Variants in MAGI1 observed in about 807,000 individuals in gnomAD.
The protein encoded by MAGI1 is membrane associated guanylate kinase, WW and PDZ domain containing 1.
MAGI1 carries 58 observed loss-of-function variants against 139.9 expected under a neutral mutation model. The observed-to-expected ratio is 0.41, with a 90% CI of 0.34 to 0.52. The LOEUF is 0.52. Among genes scored for constraint, MAGI1 ranks in the 20% least tolerant of loss-of-function variants. The probability of loss-of-function intolerance (pLI) is 0.12; values close to 1 mark genes in which losing one functional copy is unlikely to be tolerated. For synonymous variants in MAGI1, 812 were observed against 737.9 expected, an observed-to-expected ratio of 1.10 and a Z score of -1.63; for missense variants, 1,874 against 1,901.6, an observed-to-expected ratio of 0.99 and a Z score of 0.27.
intron 1 of MAGI1, among the ~76,000 whole-genome samples, chr3:65,854,383 C>G (rs1014854103): frequency 2.6e-5 from 4 of 152,108 alleles, no homozygotes; most frequent in Admixed American, 1.3e-4. Flanking sequence ...TTTGCTGTCC[C>G]AGTAAATGTG....
chr3:65,845,251 CAA>C (rs34871480), intron 1 of MAGI1, among the ~76,000 whole-genome samples: 8 of 140,944 alleles, frequency 5.7e-5, no homozygotes, highest in Non-Finnish European at 7.7e-5. Flanking sequence ...GACTCCATCT[CAA>C]AAAAAAAAAG....
At chr3:65,448,726 A>T (rs201658584) in intron 6 of MAGI1, among the ~76,000 whole-genome samples, 1 of 136,968 alleles carries the variant, frequency 7.3e-6, no homozygotes, top group Middle Eastern at 3.7e-3. Context: ...ACACACACAC[A>T]CACTTTCTAA....
chr3:65,509,197 AC>A (rs1399020590), intron 2 of MAGI1, among the ~76,000 whole-genome samples: 1 of 152,198 alleles, frequency 6.6e-6, no homozygotes, highest in Non-Finnish European at 1.5e-5. Flanking sequence ...ATCAAAATAA[AC>A]AAACAAAACA....
chr3:65,751,773 C>T (rs1240725518), intron 1 of MAGI1, among the ~76,000 whole-genome samples: 1 of 152,140 alleles, frequency 6.6e-6, no homozygotes, highest in East Asian at 1.9e-4. Context: ...TATTAAAACT[C>T]TACATTCAAT....
chr3:65,753,267 G>A (rs192038609), intron 1 of MAGI1, among the ~76,000 whole-genome samples: 36 of 152,094 alleles, frequency 2.4e-4, no homozygotes, highest in Admixed American at 2.0e-3. Context: ...GTCCAGGCTC[G>A]TCAGAATTTG....
At chr3:65,407,443 T>G (rs899406355) in intron 12 of MAGI1, among the ~76,000 whole-genome samples, 4 of 127,306 alleles carry the variant, frequency 3.1e-5, no homozygotes, top group Non-Finnish European at 6.9e-5. Flanking sequence ...TGAGACTCCG[T>G]CTCAAAAAAA....
chr3:65,701,808 G>C (rs994074973), intron 1 of MAGI1, among the ~76,000 whole-genome samples: 1 of 152,122 alleles, frequency 6.6e-6, no homozygotes, highest in African/African-American at 2.4e-5. Flanking sequence ...ATATGAATCA[G>C]AGACAGCCAA....
In MAGI1 at chr3:65,398,785, A is replaced by G. The variant is rs1944617757; in HGVS notation, c.2199+2654T>C. 2.6e-5 allele frequency among the ~76,000 whole-genome samples: 4 copies of G among 152,248 alleles called. 1 individual carries two copies. Among genetic ancestry groups the G allele is most frequent in the South Asian group, 4.1e-4 (2 of 4,822 alleles). ...TGGCAGAAAAATCCCTGATGTTATG[A>G]AAGTCCAGGTATTAAATTAATAAAT... On this transcript the variant is annotated intron_variant, in intron 13 of 22. Coordinates refer to ENST00000402939, the MANE Select transcript of MAGI1 (RefSeq NM_001033057.2).
At chr3:65,817,346 T>C (rs2041668022) in intron 1 of MAGI1, among the ~76,000 whole-genome samples, 1 of 152,206 alleles carries the variant, frequency 6.6e-6, no homozygotes, top group Non-Finnish European at 1.5e-5. Context: ...TAGCTAATTG[T>C]ACGTATAAAT....
chr3:65,530,674 CAT>C lies in MAGI1; in HGVS notation c.431-37045_431-37044del, dbSNP rs754462110. On this transcript the variant is annotated intron_variant, in intron 2 of 22. Transcript: ENST00000402939. ...GTGTGTGTGTGTGTATATATATATA[CAT>C]ATATATATACGTGTATATATATACA... 1.4e-3 allele frequency among the ~76,000 whole-genome samples: 169 copies of C among 123,178 alleles called. 6 individuals carry two copies. The highest frequency in any genetic ancestry group is 4.2e-3 in the African/African-American group (125 of 30,022). 80.8% of individuals were successfully genotyped at this position (123,178 alleles called of 152,430 possible). A position where few individuals can be genotyped will look rare whatever the true frequency, so the allele number is the denominator to read the frequency against.
intron 16 of MAGI1, 110 bp from the exon 17 acceptor site, chr3:65,379,664 G>C (rs1942879324): frequency 6.7e-7 from 1 of 1,500,466 alleles, no homozygotes. Flanking sequence ...TGAACCGAGG[G>C]GAGGAGACAG....
intron 1 of MAGI1, among the ~76,000 whole-genome samples, chr3:65,931,376 G>C (rs13316116): frequency 0.013 from 1,995 of 152,274 alleles, 38 homozygotes; most frequent in African/African-American, 0.045. Context: ...TTGTGGATTT[G>C]CCTCAAGTTC....
chr3:65,427,587 GAATT>G (rs1323455358), intron 12 of MAGI1, among the ~76,000 whole-genome samples: 1 of 152,180 alleles, frequency 6.6e-6, no homozygotes, highest in Non-Finnish European at 1.5e-5. Flanking sequence ...GATGTACCAA[GAATT>G]ATTTGAAAGT....
chr3:65,726,816 C>A (rs1367675670), intron 1 of MAGI1, among the ~76,000 whole-genome samples: 1 of 151,940 alleles, frequency 6.6e-6, no homozygotes, highest in South Asian at 2.1e-4. Context: ...GGCTTCAAAT[C>A]CCCAGGCAAG....
intron 1 of MAGI1, among the ~76,000 whole-genome samples, chr3:65,963,603 G>A (rs913716384): frequency 2.0e-5 from 3 of 152,086 alleles, no homozygotes; most frequent in African/African-American, 4.8e-5. Flanking sequence ...GTGACAAAGC[G>A]AGACTCAGTC....
intron 1 of MAGI1, among the ~76,000 whole-genome samples, chr3:65,980,253 A>G (rs1310512971): frequency 5.9e-5 from 9 of 152,176 alleles, no homozygotes; most frequent in African/African-American, 2.2e-4. Flanking sequence ...AATATAGCAC[A>G]TAGGTATATG....
At chr3:65,818,974 T>A (rs1485659551) in intron 1 of MAGI1, among the ~76,000 whole-genome samples, 1 of 152,208 alleles carries the variant, frequency 6.6e-6, no homozygotes, top group African/African-American at 2.4e-5. Context: ...AAATTTATAA[T>A]TCTATCATGC....
intron 1 of MAGI1, chr3:65,873,684 T>C (rs2060014560): frequency 6.6e-6 from 1 of 152,200 alleles, no homozygotes; most frequent in Admixed American, 6.5e-5. Flanking sequence ...GACCTCTGCA[T>C]ATTTGATTTC....
chr3:65,543,553 A>G (rs1355687580), intron 2 of MAGI1, among the ~76,000 whole-genome samples: 1 of 152,236 alleles, frequency 6.6e-6, no homozygotes, highest in Non-Finnish European at 1.5e-5. Flanking sequence ...CATATATACC[A>G]TGGAATACTA....
Sources: gnomAD v4.1 joint callset for allele counts (sites outside exome capture counted in the v4.1 genomes callset) on GRCh38, gnomAD v4.1.1 for gene constraint, MANE v1.5 for transcripts, NCBI Gene and HGNC (gene_info 2026-07-23, HGNC 2026-07-21) for gene names.